The following ERBB4 variants were observed in gnomAD, a reference collection of about 807,000 sequenced individuals.
The protein encoded by ERBB4 is receptor tyrosine-protein kinase erbB-4.
ERBB4 carries 42 observed loss-of-function variants against 158.0 expected under a neutral mutation model. The ratio of observed to expected loss-of-function variants is 0.27; its 90% CI spans 0.21 to 0.34. The LOEUF is 0.34. Among genes scored for constraint, ERBB4 ranks in the 10% least tolerant of loss-of-function variants. The pLI, the probability that ERBB4 is intolerant of heterozygous loss-of-function variation, is 1.00. For missense variants in ERBB4, 1,333 were observed against 1,624.1 expected, an observed-to-expected ratio of 0.82 and a Z score of 3.08; for synonymous variants, 583 against 558.7, an observed-to-expected ratio of 1.04 and a Z score of -0.61.
chr2:211,473,639 T>C (rs2064884695), intron 20 of ERBB4, among the ~76,000 whole-genome samples: 1 of 152,002 alleles, frequency 6.6e-6, no homozygotes, highest in South Asian at 2.1e-4. Context: ...AACTGCTCTG[T>C]TCCAAAGGAT....
At chr2:212,127,773 G>T (rs1384628779) in intron 1 of ERBB4, among the ~76,000 whole-genome samples, 3 of 152,044 alleles carry the variant, frequency 2.0e-5, no homozygotes, top group Non-Finnish European at 4.4e-5. Flanking sequence ...AGGAAAGAAA[G>T]CCCCGTGACC....
intron 3 of ERBB4, among the ~76,000 whole-genome samples, chr2:211,910,872 T>A (rs2079525067): frequency 6.6e-6 from 1 of 152,000 alleles, no homozygotes; most frequent in Admixed American, 6.5e-5. Flanking sequence ...TTATTACATC[T>A]CTTATCCTTC....
At chr2:211,508,755 C>T (rs1432392872) in intron 20 of ERBB4, among the ~76,000 whole-genome samples, 1 of 152,042 alleles carries the variant, frequency 6.6e-6, no homozygotes, top group Admixed American at 6.5e-5. Flanking sequence ...GGAGCCAACC[C>T]AAACGCCCAT....
At chr2:212,521,238 A>G (rs1179536078) in intron 1 of ERBB4, among the ~76,000 whole-genome samples, 1 of 151,998 alleles carries the variant, frequency 6.6e-6, no homozygotes, top group Non-Finnish European at 1.5e-5. Flanking sequence ...TGAGTTTGCC[A>G]GGTAAACATA....
At chr2:211,849,140 G>C (rs1429937357) in intron 3 of ERBB4, among the ~76,000 whole-genome samples, 2 of 151,866 alleles carry the variant, frequency 1.3e-5, no homozygotes, top group African/African-American at 4.8e-5. Context: ...CAGAAATATG[G>C]AAGACATATT....
intron 2 of ERBB4, among the ~76,000 whole-genome samples, chr2:212,109,792 T>C (rs2079348339): frequency 6.6e-6 from 1 of 152,224 alleles, no homozygotes; most frequent in Admixed American, 6.5e-5. Flanking sequence ...TAATAAGATA[T>C]ATTTCTGCTT....
intron 2 of ERBB4, among the ~76,000 whole-genome samples, chr2:212,042,556 C>T (rs2077165854): frequency 6.6e-6 from 1 of 151,992 alleles, no homozygotes; most frequent in Admixed American, 6.6e-5. Flanking sequence ...TTTCTTTATG[C>T]TACATATCAA....
rs991049707 is a variant in ERBB4, at chr2:211,889,304, G to A, written c.421+58126C>T. Among the ~76,000 whole-genome samples the A allele has an allele frequency of 1.3e-4, 19 of 144,624 alleles. No individual in the cohort carries two copies. The South Asian group carries it at 3.6e-3, about 28-fold the overall frequency. 94.9% of individuals were successfully genotyped at this position (144,624 alleles called of 152,430 possible). A position where few individuals can be genotyped will look rare whatever the true frequency, so the allele number is the denominator to read the frequency against. The stretch of plus-strand genomic sequence containing the variant: ...GCCGGGGCACACTGACACCTCACAC[G>A]GCAGGGTATTCCAACAGACCTGCAG... On this transcript the variant is annotated intron_variant, in intron 3 of 27. Transcript: ENST00000342788.
At chr2:211,724,420 G>T (rs2074201177) in intron 6 of ERBB4, among the ~76,000 whole-genome samples, 2 of 148,908 alleles carry the variant, frequency 1.3e-5, no homozygotes, top group African/African-American at 5.0e-5. Flanking sequence ...AAAAATTTCT[G>T]TGTTCATTTT....
chr2:211,868,088 C>A (rs899609500), intron 3 of ERBB4, among the ~76,000 whole-genome samples: 13 of 152,186 alleles, frequency 8.5e-5, no homozygotes, highest in African/African-American at 2.4e-4. Flanking sequence ...AACTGCAGTT[C>A]TCTCTCTGAT....
chr2:211,912,922 G>GGCA, intron 3 of ERBB4, among the ~76,000 whole-genome samples: 1 of 152,144 alleles, frequency 6.6e-6, no homozygotes, highest in Non-Finnish European at 1.5e-5. Flanking sequence ...ACTTTTGACA[G>GGCA]GCAGGACTCT....
At chr2:211,756,121 G>A (rs149010436) in intron 4 of ERBB4, among the ~76,000 whole-genome samples, 161 of 152,242 alleles carry the variant, frequency 1.1e-3, no homozygotes, top group African/African-American at 3.8e-3. Context: ...GTTCAGGGAG[G>A]GGGGATAAAA....
intron 3 of ERBB4, among the ~76,000 whole-genome samples, chr2:211,935,076 T>C (rs2080283463): frequency 6.6e-6 from 1 of 152,076 alleles, no homozygotes; most frequent in Admixed American, 6.6e-5. Flanking sequence ...AGCATTGTGA[T>C]AAAAAGAAAA....
At chr2:211,747,897 C>T (rs1407686424) in intron 5 of ERBB4, among the ~76,000 whole-genome samples, 2 of 151,804 alleles carry the variant, frequency 1.3e-5, no homozygotes, top group Non-Finnish European at 2.9e-5. Context: ...AAATACCAAA[C>T]TCCATAGATG....
At chr2:211,551,287 T>C (rs1291994516) in intron 20 of ERBB4, among the ~76,000 whole-genome samples, 1 of 152,170 alleles carries the variant, frequency 6.6e-6, no homozygotes, top group African/African-American at 2.4e-5. Flanking sequence ...ATATAGTGTA[T>C]TCAAATTTAA....
chr2:212,172,155 T>G (rs1326529765), intron 1 of ERBB4, among the ~76,000 whole-genome samples: 1 of 151,824 alleles, frequency 6.6e-6, no homozygotes, highest in South Asian at 2.1e-4. Flanking sequence ...CCAACAAACA[T>G]GAAAAAAAGC....
intron 19 of ERBB4, among the ~76,000 whole-genome samples, chr2:211,603,977 T>A (rs891071959): frequency 1.3e-5 from 2 of 152,242 alleles, no homozygotes; most frequent in South Asian, 2.1e-4. Flanking sequence ...TTTCTTTTGA[T>A]TGAACTATTA....
At chr2:211,972,834 C>A (rs550795386) in intron 2 of ERBB4, among the ~76,000 whole-genome samples, 3 of 152,218 alleles carry the variant, frequency 2.0e-5, no homozygotes, top group Admixed American at 6.5e-5. Context: ...CCATTTAGGA[C>A]ACAGACACAG....
intron 20 of ERBB4, among the ~76,000 whole-genome samples, chr2:211,462,848 CA>C (rs765327711): frequency 3.9e-5 from 6 of 152,106 alleles, no homozygotes; most frequent in Non-Finnish European, 7.4e-5. Flanking sequence ...AGTTCAAAAT[CA>C]ATGTTTTTGT....
Sources: gnomAD v4.1 joint callset for allele counts (sites outside exome capture counted in the v4.1 genomes callset) on GRCh38, gnomAD v4.1.1 for gene constraint, MANE v1.5 for transcripts, NCBI Gene and HGNC (gene_info 2026-07-23, HGNC 2026-07-21) for gene names.